The following RPH3A variants were observed in gnomAD, a reference collection of about 807,000 sequenced individuals.
RPH3A encodes rabphilin 3A.
Under a neutral mutation model 102.2 loss-of-function variants are expected in RPH3A, and 48 were observed. That is an observed-to-expected ratio of 0.47 (90% CI 0.37 to 0.60). The LOEUF (loss-of-function observed/expected upper bound fraction) is 0.60. RPH3A is among the 20% of genes least tolerant of loss of function. The probability of loss-of-function intolerance (pLI) is 0.00; values close to 1 mark genes in which losing one functional copy is unlikely to be tolerated. For synonymous variants in RPH3A, 310 were observed against 324.3 expected, an observed-to-expected ratio of 0.96 and a Z score of 0.47; for missense variants, 781 against 910.1, an observed-to-expected ratio of 0.86 and a Z score of 1.83.
At chr12:112,829,820 A>T (rs1254078699) in intron 3 of RPH3A, among the ~76,000 whole-genome samples, 21 of 152,248 alleles carry the variant, frequency 1.4e-4, no homozygotes, top group Middle Eastern at 3.4e-3. Flanking sequence ...ACAAATAATT[A>T]AAAAAAAGTT....
At chr12:112,882,266 A>T (rs543622319) in intron 15 of RPH3A, among the ~76,000 whole-genome samples, 4 of 152,272 alleles carry the variant, frequency 2.6e-5, no homozygotes, top group Admixed American at 6.5e-5. Context: ...ACTTTGGAGA[A>T]TATTCTCTGA....
At chr12:112,724,281 T>A (rs2040572026) in intron 1 of RPH3A, among the ~76,000 whole-genome samples, 2 of 152,154 alleles carry the variant, frequency 1.3e-5, no homozygotes, top group Admixed American at 1.3e-4. Flanking sequence ...CCCAGGCTGC[T>A]TTTGAACTTC....
chr12:112,635,533 T>C (rs2039842464), intron 1 of RPH3A, among the ~76,000 whole-genome samples: 1 of 152,238 alleles, frequency 6.6e-6, no homozygotes, highest in Admixed American at 6.5e-5. Flanking sequence ...TGGTCATTAA[T>C]GTTATTTTTA....
intron 1 of RPH3A, among the ~76,000 whole-genome samples, chr12:112,732,969 T>G (rs1386788419): frequency 6.6e-6 from 1 of 152,190 alleles, no homozygotes; most frequent in Non-Finnish European, 1.5e-5. Flanking sequence ...ACTGTCTGAT[T>G]TGAATATTGC....
intron 1 of RPH3A, among the ~76,000 whole-genome samples, chr12:112,725,460 A>C (rs1036736335): frequency 3.3e-5 from 5 of 152,056 alleles, no homozygotes; most frequent in African/African-American, 1.2e-4. Flanking sequence ...TTGGAGCCTG[A>C]GCCATTGTTG....
chr12:112,729,715 T>G (rs1214469270), intron 1 of RPH3A, among the ~76,000 whole-genome samples: 7 of 152,208 alleles, frequency 4.6e-5, no homozygotes, highest in Non-Finnish European at 7.3e-5. Flanking sequence ...CCCATACCAC[T>G]GGCTAAAAAG....
intron 1 of RPH3A, among the ~76,000 whole-genome samples, chr12:112,781,339 G>T (rs775435396): frequency 3.9e-5 from 6 of 152,158 alleles, no homozygotes; most frequent in Non-Finnish European, 2.9e-5. Context: ...GCTGGAAAGG[G>T]CTCGCAAGAG....
At chr12:112,696,764 A>C (rs1439159710) in intron 1 of RPH3A, among the ~76,000 whole-genome samples, 3 of 152,200 alleles carry the variant, frequency 2.0e-5, no homozygotes, top group Non-Finnish European at 4.4e-5. Context: ...CCTTCAAAAC[A>C]AAATCTGTTC....
chr12:112,756,519 T>A (rs1315053819), intron 1 of RPH3A, among the ~76,000 whole-genome samples: 2 of 152,132 alleles, frequency 1.3e-5, no homozygotes, highest in African/African-American at 2.4e-5. Context: ...AAAATTAAAA[T>A]TTTTTTACCC....
chr12:112,595,781 C>T (rs1349526650), intron 1 of RPH3A, among the ~76,000 whole-genome samples: 1 of 152,198 alleles, frequency 6.6e-6, no homozygotes, highest in Non-Finnish European at 1.5e-5. Context: ...TCATTCTTGA[C>T]ATCCAAGCCA....
chr12:112,695,280 A>T (rs1023528133), intron 1 of RPH3A: 1 of 166,542 alleles, frequency 6.0e-6, no homozygotes, highest in African/African-American at 2.4e-5. Context: ...TCCTAACCAA[A>T]ATTCACAGGA....
chr12:112,627,115 C>T (rs1371987295), intron 1 of RPH3A, among the ~76,000 whole-genome samples: 1 of 135,924 alleles, frequency 7.4e-6, no homozygotes, highest in Non-Finnish European at 1.6e-5. Context: ...TGCTAGATGA[C>T]GAGTTAGTGG....
chr12:112,667,667 A>G (rs1227825558), intron 1 of RPH3A, among the ~76,000 whole-genome samples: 1 of 11,022 alleles, frequency 9.1e-5, no homozygotes, highest in Admixed American at 1.6e-3. Context: ...GAATAAAGAG[A>G]GAGAGAGAGA....
intron 1 of RPH3A, among the ~76,000 whole-genome samples, chr12:112,653,851 T>C (rs1437854239): frequency 6.6e-6 from 1 of 152,222 alleles, no homozygotes; most frequent in Non-Finnish European, 1.5e-5. Context: ...TATATCCTTA[T>C]TCTATAAGCT....
chr12:112,746,611 C>A (rs1004867566), intron 1 of RPH3A, among the ~76,000 whole-genome samples: 2 of 152,174 alleles, frequency 1.3e-5, no homozygotes, highest in Non-Finnish European at 2.9e-5. Context: ...ACCAAAGAGT[C>A]AGCTTAAGTA....
chr12:112,653,525 G>T (rs1283641188), intron 1 of RPH3A, among the ~76,000 whole-genome samples: 1 of 152,102 alleles, frequency 6.6e-6, no homozygotes, highest in Admixed American at 6.6e-5. Flanking sequence ...ACTGTGCACT[G>T]CTGTGGACTT....
chr12:112,838,425 G>T (rs1045863258), intron 4 of RPH3A, among the ~76,000 whole-genome samples: 1 of 152,200 alleles, frequency 6.6e-6, no homozygotes, highest in African/African-American at 2.4e-5. Flanking sequence ...TTCATCCAAA[G>T]GGGCCTTTAT....
Position 112,896,695 on chromosome 12 carries a change from A to G in RPH3A, c.2000A>G (p.His667Arg). 1 of 1,614,098 alleles carries G rather than the reference A, an allele frequency of 6.2e-7. No individual in the cohort carries two copies. The highest frequency in any genetic ancestry group is 8.5e-7 in the Non-Finnish European group (1 of 1,180,010). ...TCTGCCAAGGGAGAGCGCTTAAAAC[A>G]CTGGTACGAGTGTCTGAAAAATAAA... The part of the protein sequence containing the change: ...GISAKGERLK[H>R]WYECLKNKDK... The change falls in exon 22 of 22, where the codon CAC becomes CGC. Residue 667 changes from histidine (H) to arginine (R), a missense_variant. His to Arg is a conservative substitution (Grantham distance 29). Coordinates refer to ENST00000389385, the MANE Select transcript of RPH3A (RefSeq NM_001143854.2).
At chr12:112,800,109 A>G (rs1317171104) in intron 2 of RPH3A, among the ~76,000 whole-genome samples, 1 of 152,158 alleles carries the variant, frequency 6.6e-6, no homozygotes, top group African/African-American at 2.4e-5. Flanking sequence ...ACACATAAAC[A>G]AGAAAACTCC....
Sources: allele counts gnomAD v4.1 joint callset (sites outside exome capture counted in the v4.1 genomes callset), GRCh38; gene constraint gnomAD v4.1.1; transcripts MANE v1.5; gene names NCBI Gene and HGNC (gene_info 2026-07-23, HGNC 2026-07-21).